The following ARL15 variants were observed in gnomAD, a reference collection of about 807,000 sequenced individuals.
ARL15 encodes the protein ARF like GTPase 15, also known as ADP-ribosylation factor-like protein 15.
In ARL15, 19 loss-of-function variants were observed where a neutral mutation model predicts 25.2. The ratio of observed to expected loss-of-function variants is 0.75; its 90% CI spans 0.53 to 1.10. The LOEUF (loss-of-function observed/expected upper bound fraction) is 1.10, where lower values mean the gene tolerates loss of function less well. Ranked by LOEUF, ARL15 falls within the 50% of genes least tolerant of loss-of-function variation. The pLI is 0.00. For synonymous variants in ARL15, 94 were observed against 86.8 expected (o/e 1.08, Z -0.46); for missense variants, 220 against 246.0 (o/e 0.89, Z 0.71).
rs115727155 is a variant in ARL15, at chr5:54,061,984, C to G, written c.462+51218G>C. On this transcript the variant is annotated intron_variant, in intron 4 of 4. Coordinates refer to ENST00000504924, the MANE Select transcript of ARL15 (RefSeq NM_019087.3). Reference sequence around the variant, plus strand: ...GCAGAGCTGCCCAAGACTATGGGAACCTACTTGTTGCATCTGTGCGACCTG... The same window carrying G: ...GCAGAGCTGCCCAAGACTATGGGAAGCTACTTGTTGCATCTGTGCGACCTG... Among the ~76,000 whole-genome samples, 1,055 of 152,328 alleles carry G rather than the reference C, an allele frequency of 6.9e-3. 11 individuals are homozygous for G. Among genetic ancestry groups the G allele is most frequent in the African/African-American group, 0.024 (1,013 of 41,586 alleles).
intron 4 of ARL15, among the ~76,000 whole-genome samples, chr5:54,101,426 G>C (rs1242816737): frequency 2.0e-5 from 3 of 151,890 alleles, no homozygotes; most frequent in African/African-American, 4.8e-5. Flanking sequence ...CAATGTCTAG[G>C]ACCTAAAAGT....
intron 4 of ARL15, among the ~76,000 whole-genome samples, chr5:54,050,818 A>T (rs1326313069): frequency 6.6e-6 from 1 of 151,986 alleles, no homozygotes; most frequent in East Asian, 1.9e-4. Flanking sequence ...TATCTTTTAG[A>T]TCCTATTGTC....
chr5:54,036,141 C>T (rs1009432110), intron 4 of ARL15, among the ~76,000 whole-genome samples: 8 of 150,632 alleles, frequency 5.3e-5, no homozygotes, highest in Non-Finnish European at 1.0e-4. Context: ...CAGAGTGAGA[C>T]CCCGCTTCGT....
intron 4 of ARL15, among the ~76,000 whole-genome samples, chr5:54,042,783 C>A (rs2111952804): frequency 6.6e-6 from 1 of 152,312 alleles, no homozygotes; most frequent in African/African-American, 2.4e-5. Flanking sequence ...TCTAACTTCC[C>A]TGAGAGTGCC....
At chr5:54,057,263 C>CTAGTA (rs1210070378) in intron 4 of ARL15, among the ~76,000 whole-genome samples, 2 of 152,144 alleles carry the variant, frequency 1.3e-5, no homozygotes, top group Non-Finnish European at 2.9e-5. Context: ...TTTAAACTTT[C>CTAGTA]TAGTATTTTC....
intron 3 of ARL15, among the ~76,000 whole-genome samples, chr5:54,114,065 T>C (rs1752818639): frequency 6.6e-6 from 1 of 151,934 alleles, no homozygotes; most frequent in African/African-American, 2.4e-5. Flanking sequence ...CTCAATGAGA[T>C]AAGATGTTTA....
At chr5:54,096,701 T>C (rs1400029951) in intron 4 of ARL15, among the ~76,000 whole-genome samples, 1 of 152,204 alleles carries the variant, frequency 6.6e-6, no homozygotes, top group African/African-American at 2.4e-5. Context: ...TGAGCCACCG[T>C]GCCCGGCCTA....
chr5:54,206,042 A>G (rs535640641), intron 1 of ARL15, among the ~76,000 whole-genome samples: 31 of 152,292 alleles, frequency 2.0e-4, no homozygotes, highest in African/African-American at 7.5e-4. Context: ...TAGATTAATG[A>G]TACCAGATTA....
At chr5:54,140,423 G>C (rs1316695993) in intron 3 of ARL15, among the ~76,000 whole-genome samples, 2 of 117,796 alleles carry the variant, frequency 1.7e-5, no homozygotes, top group African/African-American at 5.6e-5. Context: ...TAGACAGATA[G>C]ATAGATAGAT....
At chr5:54,029,333 T>TACCACCACCACCACCACCACCACC (rs34152775) in intron 4 of ARL15, among the ~76,000 whole-genome samples, 28 of 94,652 alleles carry the variant, frequency 3.0e-4, no homozygotes, top group Admixed American at 3.5e-4. Context: ...CCACCACCAC[T>TACCACCACCACCACCACCACCACC]ACCACCACCA....
chr5:54,226,317 A>C (rs193167580), intron 1 of ARL15, among the ~76,000 whole-genome samples: 1 of 152,194 alleles, frequency 6.6e-6, no homozygotes, highest in Non-Finnish European at 1.5e-5. Context: ...AAATGAAGGA[A>C]TGAGTAAGTG....
intron 3 of ARL15, among the ~76,000 whole-genome samples, chr5:54,141,971 T>C (rs1041447026): frequency 2.6e-5 from 4 of 152,232 alleles, no homozygotes; most frequent in East Asian, 1.9e-4. Context: ...CATTCACCAA[T>C]TGATGACATT....
chr5:54,176,194 G>T (rs1476955677), intron 1 of ARL15, among the ~76,000 whole-genome samples: 1 of 152,140 alleles, frequency 6.6e-6, no homozygotes, highest in Admixed American at 6.5e-5. Flanking sequence ...GAACTTAATG[G>T]CTAGATTGAT....
chr5:54,003,069 G>A (rs991126548), intron 4 of ARL15, among the ~76,000 whole-genome samples: 1 of 152,144 alleles, frequency 6.6e-6, no homozygotes, highest in Non-Finnish European at 1.5e-5. Context: ...AAACACTCTG[G>A]GCTGTACCTG....
chr5:53,914,149 T>TCACA (rs904101107), intron 4 of ARL15, among the ~76,000 whole-genome samples: 4 of 150,500 alleles, frequency 2.7e-5, no homozygotes, highest in Non-Finnish European at 5.9e-5. Context: ...ACACACACAC[T>TCACA]CTCACACACA....
chr5:54,125,745 G>A (rs1224869304), intron 3 of ARL15, among the ~76,000 whole-genome samples: 1 of 152,148 alleles, frequency 6.6e-6, no homozygotes, highest in Non-Finnish European at 1.5e-5. Flanking sequence ...GATAAAACGT[G>A]TGCTGTTTAA....
At chr5:53,914,149 T>TCACACA (rs904101107) in intron 4 of ARL15, among the ~76,000 whole-genome samples, 29 of 150,500 alleles carry the variant, frequency 1.9e-4, no homozygotes, top group Admixed American at 1.8e-3. Flanking sequence ...ACACACACAC[T>TCACACA]CTCACACACA....
intron 4 of ARL15, among the ~76,000 whole-genome samples, chr5:54,088,319 G>A (rs1752036159): frequency 6.6e-6 from 1 of 152,176 alleles, no homozygotes; most frequent in Admixed American, 6.5e-5. Flanking sequence ...TCAAAACTGG[G>A]CTATACGTAT....
chr5:54,249,707 G>C (rs1190689174), intron 1 of ARL15, among the ~76,000 whole-genome samples: 4 of 151,056 alleles, frequency 2.6e-5, no homozygotes, highest in Non-Finnish European at 5.9e-5. Flanking sequence ...AACAGCTGTA[G>C]GAGAAAAGAA....
Sources: allele counts gnomAD v4.1 joint callset (sites outside exome capture counted in the v4.1 genomes callset), GRCh38; gene constraint gnomAD v4.1.1; transcripts MANE v1.5; gene names NCBI Gene and HGNC (gene_info 2026-07-23, HGNC 2026-07-21).